The following CDH4 variants were observed in gnomAD, a reference collection of about 807,000 sequenced individuals.
The protein encoded by CDH4 is cadherin-4.
Under a neutral mutation model 86.0 loss-of-function variants are expected in CDH4, and 33 were observed. That is an observed-to-expected ratio of 0.38 (90% confidence interval 0.29 to 0.51). The LOEUF is 0.51. Among genes scored for constraint, CDH4 ranks in the 20% least tolerant of loss-of-function variants. The pLI, the probability that CDH4 is intolerant of heterozygous loss-of-function variation, is 0.86. For missense variants in CDH4, 1,114 were observed against 1,307.4 expected (o/e 0.85, Z 2.28); for synonymous variants, 555 against 549.4 (o/e 1.01, Z -0.14).
chr20:61,821,829 G>A (rs770695897), intron 4 of CDH4, among the ~76,000 whole-genome samples: 12 of 152,196 alleles, frequency 7.9e-5, no homozygotes, highest in Non-Finnish European at 1.3e-4. Context: ...CCATGTACCC[G>A]AGAGAGATGG....
At chr20:61,931,854 T>C (rs566854602) in intron 13 of CDH4, among the ~76,000 whole-genome samples, 1 of 152,124 alleles carries the variant, frequency 6.6e-6, no homozygotes, top group South Asian at 2.1e-4. Flanking sequence ...CAAGGGGACT[T>C]TACCTCTCTT....
At chr20:61,799,763 G>C (rs962652988) in intron 4 of CDH4, among the ~76,000 whole-genome samples, 7 of 152,180 alleles carry the variant, frequency 4.6e-5, no homozygotes, top group Non-Finnish European at 8.8e-5. Context: ...TGGGCAGGGC[G>C]TGGGCCCGGT....
At chr20:61,828,477 C>A (rs1600692933) in intron 4 of CDH4, among the ~76,000 whole-genome samples, 1 of 152,238 alleles carries the variant, frequency 6.6e-6, no homozygotes, top group East Asian at 1.9e-4. Context: ...ACATGAACCA[C>A]AAGAAGATAG....
intron 2 of CDH4, among the ~76,000 whole-genome samples, chr20:61,624,178 C>A (rs2145778692): frequency 6.6e-6 from 1 of 152,294 alleles, no homozygotes; most frequent in East Asian, 1.9e-4. Context: ...TCAGTGTTCC[C>A]CAAAGCCGTC....
Position 61,778,361 on chromosome 20 carries a change from A to G in CDH4, c.576+5179A>G, listed in dbSNP as rs573992685. On this transcript the variant is annotated intron_variant, in intron 4 of 15. Coordinates refer to ENST00000614565, the MANE Select transcript of CDH4 (RefSeq NM_001794.5). ...ATTTCATTCTGATAAAATATGTTAA[A>G]CGAAAAAACGAGCGGGAGAGGAGGA... is the stretch of plus-strand genomic sequence containing the variant. Among the ~76,000 whole-genome samples, 27 of 152,268 alleles carry G rather than the reference A, an allele frequency of 1.8e-4. 1 individual carries two copies. In the South Asian group the frequency reaches 5.4e-3, roughly 30 times the overall value.
In CDH4 at chr20:61,477,434, A is replaced by G. The variant is rs569066205; in HGVS notation, c.169+222497A>G. Among the ~76,000 whole-genome samples the G allele has an allele frequency of 4.6e-5, 7 of 152,360 alleles. No individual in the cohort carries two copies. The South Asian group carries it at 1.4e-3, about 32-fold the overall frequency. ...AGATGGCAGACCTGTGCCCGTGTAC[A>G]GGGAGCAGAGGAACCAGCAGAAACG... is the stretch of plus-strand genomic sequence containing the variant. On this transcript the variant is annotated intron_variant, in intron 2 of 15. Transcript: ENST00000614565.
intron 4 of CDH4, among the ~76,000 whole-genome samples, chr20:61,841,609 T>G (rs1464146050): frequency 6.6e-6 from 1 of 152,152 alleles, no homozygotes. Flanking sequence ...CCTAGGTCGC[T>G]GTCTCTGAAG....
Position 61,312,559 on chromosome 20 carries a change from C to T in CDH4, c.169+57622C>T, listed in dbSNP as rs1245534380. 2.6e-5 allele frequency among the ~76,000 whole-genome samples: 4 copies of T among 152,116 alleles called. No individual in the cohort carries two copies. The East Asian group carries it at 7.7e-4, about 29-fold the overall frequency. On this transcript the variant is annotated intron_variant, in intron 2 of 15. Coordinates refer to ENST00000614565, the MANE Select transcript of CDH4 (RefSeq NM_001794.5). ...GGACCCCTTGCCCCTGCAGTCCCCA[C>T]CATCAGGACTGCACCCCCTTCTTTG...
chr20:61,569,086 C>T (rs994722990), intron 2 of CDH4, among the ~76,000 whole-genome samples: 7 of 152,132 alleles, frequency 4.6e-5, no homozygotes, highest in African/African-American at 1.7e-4. Flanking sequence ...CCTCAGAGAC[C>T]CTGGGGTTCA....
At chr20:61,514,330 C>A (rs1238285072) in intron 2 of CDH4, among the ~76,000 whole-genome samples, 5 of 149,132 alleles carry the variant, frequency 3.4e-5, no homozygotes, top group African/African-American at 5.0e-5. Flanking sequence ...CCCCCACCCC[C>A]ACCCCCGATG....
At chr20:61,360,892 C>T (rs564701600) in intron 2 of CDH4, among the ~76,000 whole-genome samples, 115 of 152,266 alleles carry the variant, frequency 7.6e-4, no homozygotes, top group African/African-American at 2.6e-3. Flanking sequence ...AAAAAGAAGA[C>T]GGACTGGTTA....
rs184502926 is a variant in CDH4, at chr20:61,799,744, G to A, written c.576+26562G>A. 5.6e-3 allele frequency among the ~76,000 whole-genome samples: 849 copies of A among 152,290 alleles called. 23 individuals are homozygous for A. Among genetic ancestry groups the A allele is most frequent in the Admixed American group, 0.039 (604 of 15,302 alleles). ...TTCAAGCCCCTCCCAGGGTATCCCC[G>A]CTCCTGGGTGGGCAGGGCGTGGGCC... On this transcript the variant is annotated intron_variant, in intron 4 of 15. Coordinates refer to ENST00000614565, the MANE Select transcript of CDH4 (RefSeq NM_001794.5).
At chr20:61,573,740 TGTGCTCTG>T (rs1181562814) in intron 2 of CDH4, among the ~76,000 whole-genome samples, 18 of 152,218 alleles carry the variant, frequency 1.2e-4, no homozygotes, top group African/African-American at 4.3e-4. Context: ...CAACAGCCGA[TGTGCTCTG>T]GGCCCTCCCA....
intron 2 of CDH4, among the ~76,000 whole-genome samples, chr20:61,511,907 T>C (rs934571181): frequency 6.6e-6 from 1 of 152,178 alleles, no homozygotes; most frequent in Non-Finnish European, 1.5e-5. Flanking sequence ...TCTGGAAAAT[T>C]CTTACATTCC....
rs2084992931 is a variant in CDH4 at position 61,392,676 on chromosome 20, G to T, written c.169+137739G>T. ...TATGTTGTTAATTCAACTCCCTTGGGTTCTCATCTTCTGATTCAAAAGACA... is the reference window on the plus strand; with the variant it reads ...TATGTTGTTAATTCAACTCCCTTGGTTTCTCATCTTCTGATTCAAAAGACA... On this transcript the variant is annotated intron_variant, in intron 2 of 15. Transcript: ENST00000614565. This position sits in a 1 kb window ranked among gnomAD's most constrained non-coding sequence, Gnocchi z 5.7. Among the ~76,000 whole-genome samples the T allele has an allele frequency of 6.6e-6, 1 of 152,136 alleles. No individual in the cohort carries two copies. Among genetic ancestry groups the T allele is most frequent in the South Asian group, 2.1e-4 (1 of 4,830 alleles).
chr20:61,744,198 G>A (rs1295729763), intron 3 of CDH4, among the ~76,000 whole-genome samples: 1 of 152,190 alleles, frequency 6.6e-6, no homozygotes, highest in Admixed American at 6.5e-5. Flanking sequence ...CGGAGACTGT[G>A]TGGTTGGAAA....
chr20:61,627,737 G>T (rs1318542751), intron 2 of CDH4, among the ~76,000 whole-genome samples: 11 of 152,198 alleles, frequency 7.2e-5, no homozygotes, highest in Non-Finnish European at 2.9e-5. Flanking sequence ...TTGGTGTCAT[G>T]CAGGGGTGTC....
At chr20:61,731,993 G>A (rs1024552545) in intron 2 of CDH4, among the ~76,000 whole-genome samples, 4 of 152,122 alleles carry the variant, frequency 2.6e-5, no homozygotes, top group East Asian at 3.9e-4. Context: ...CTGAGCCAGC[G>A]CCACCACCTT....
chr20:61,277,795 C>T (rs979896190), intron 2 of CDH4, among the ~76,000 whole-genome samples: 3 of 152,202 alleles, frequency 2.0e-5, no homozygotes, highest in African/African-American at 7.2e-5. Context: ...ATGACAATTA[C>T]TGTGTCGGGA....
Sources: gnomAD v4.1 joint callset for allele counts (sites outside exome capture counted in the v4.1 genomes callset) on GRCh38, gnomAD v4.1.1 for gene constraint, Gnocchi (gnomAD v3.1) non-coding constraint, MANE v1.5 for transcripts, NCBI Gene and HGNC (gene_info 2026-07-23, HGNC 2026-07-21) for gene names.